The following TBCK variants were observed in gnomAD, a reference collection of about 807,000 sequenced individuals.
The protein encoded by TBCK is TBC1 domain containing kinase, also known as TBC domain-containing protein kinase-like protein.
TBCK carries 99 observed loss-of-function variants against 113.4 expected under a neutral mutation model. The ratio of observed to expected loss-of-function variants is 0.87; its 90% CI spans 0.74 to 1.03. TBCK has a LOEUF of 1.03. Ranked by LOEUF, TBCK falls within the 50% of genes least tolerant of loss-of-function variation. The pLI is 0.00. For synonymous variants in TBCK, 369 were observed against 370.8 expected (o/e 1.00, Z 0.05); for missense variants, 1,045 against 1,061.3 (o/e 0.98, Z 0.21).
intron 12 of TBCK, among the ~76,000 whole-genome samples, chr4:106,239,282 T>C (rs1759815595): frequency 6.6e-6 from 1 of 152,040 alleles, no homozygotes; most frequent in Admixed American, 6.6e-5. Flanking sequence ...CTGAGAAGCC[T>C]TGTGAAGGTC....
At chr4:106,308,652 A>C (rs1767805452) in intron 2 of TBCK, 116 bp downstream of exon 2, 5 of 902,460 alleles carry the variant, frequency 5.5e-6, no homozygotes, top group African/African-American at 5.1e-5. Flanking sequence ...TGAGAGAAAG[A>C]AGGACATGTG....
intron 25 of TBCK, among the ~76,000 whole-genome samples, chr4:106,047,322 C>T (rs972442654): frequency 6.6e-5 from 10 of 152,180 alleles, no homozygotes; most frequent in Non-Finnish European, 4.4e-5. Context: ...CCAGGATCAT[C>T]GATTGCCTTT....
intron 22 of TBCK, among the ~76,000 whole-genome samples, chr4:106,189,471 T>G (rs1483536888): frequency 2.0e-5 from 3 of 151,762 alleles, no homozygotes; most frequent in Non-Finnish European, 4.4e-5. Context: ...GGCTTGACAA[T>G]ACAAAACTTT....
At chr4:106,168,764 T>C (rs1294066841) in intron 23 of TBCK, among the ~76,000 whole-genome samples, 1 of 151,918 alleles carries the variant, frequency 6.6e-6, no homozygotes, top group Admixed American at 6.6e-5. Context: ...AATACTTAGA[T>C]ATAAGTCTAA....
intron 23 of TBCK, among the ~76,000 whole-genome samples, chr4:106,132,761 T>C (rs1156894977): frequency 6.6e-6 from 1 of 152,202 alleles, no homozygotes; most frequent in Non-Finnish European, 1.5e-5. Flanking sequence ...ACCTCTTGTA[T>C]CATGTGACCT....
Position 106,244,675 on chromosome 4 carries a change from C to A in TBCK, c.1021G>T (p.Val341Phe). 1 of 1,612,484 alleles carries A rather than the reference C, an allele frequency of 6.2e-7. No homozygotes were observed. Among genetic ancestry groups the A allele is most frequent in the Non-Finnish European group, 8.5e-7 (1 of 1,179,232 alleles). The change falls in exon 11 of 26, where the codon GTC becomes TTC. Residue 341 changes from valine (V) to phenylalanine (F), a missense_variant. Val to Phe is a conservative substitution (Grantham distance 50). Transcript: ENST00000394708. ...LAGGDLEKEL[V>F]NKEIIRSKPP... is the part of the protein sequence containing the mutation. ...TTGGATCGAATGATTTCCTTGTTGA[C>A]AAGCTCTTTCTCCAAGTCACCTCCA...
rs567233214 is a variant in TBCK, at chr4:106,249,644, G to A, written c.659-662C>T. 8.3e-4 allele frequency among the ~76,000 whole-genome samples: 127 copies of A among 152,110 alleles called. 1 individual carries two copies. Among genetic ancestry groups the A allele is most frequent in the African/African-American group, 3.0e-3 (124 of 41,516 alleles). ...GGAAAATGTACTTACATTTATTTGG[G>A]AATTTAAAGTAAAAAGTTTAGGTTA... On this transcript the variant is annotated intron_variant, in intron 7 of 25. Transcript: ENST00000394708.
chr4:106,218,918 C>T (rs1330575350), intron 19 of TBCK, among the ~76,000 whole-genome samples: 1 of 151,580 alleles, frequency 6.6e-6, no homozygotes, highest in East Asian at 1.9e-4. Context: ...GACACATGCA[C>T]ACATATGTTT....
chr4:106,212,943 G>C (rs764030166), intron 19 of TBCK, 108 bp from the exon 20 acceptor site: 9 of 708,764 alleles, frequency 1.3e-5, no homozygotes, highest in Non-Finnish European at 2.1e-5. Context: ...ATTTCTCCAT[G>C]AGAATACTTT....
chr4:106,178,464 C>T (rs551644615), intron 22 of TBCK, among the ~76,000 whole-genome samples: 1 of 151,842 alleles, frequency 6.6e-6, no homozygotes, highest in African/African-American at 2.4e-5. Flanking sequence ...TCACATATGG[C>T]CTTTATTGTT....
At chr4:106,300,698 C>A (rs1396138449) in intron 2 of TBCK, among the ~76,000 whole-genome samples, 1 of 152,082 alleles carries the variant, frequency 6.6e-6, no homozygotes, top group African/African-American at 2.4e-5. Context: ...CTAGATGTTG[C>A]TGTGAAATTA....
intron 3 of TBCK, among the ~76,000 whole-genome samples, chr4:106,280,193 A>G (rs1029803651): frequency 3.9e-5 from 6 of 152,264 alleles, no homozygotes; most frequent in African/African-American, 1.4e-4. Context: ...AATGATGTTC[A>G]GCCCCTTTTC....
intron 20 of TBCK, among the ~76,000 whole-genome samples, chr4:106,203,283 C>CATATATATAT (rs10565641): frequency 1.4e-5 from 2 of 146,354 alleles, no homozygotes; most frequent in African/African-American, 5.0e-5. Flanking sequence ...TATATTTTCA[C>CATATATATAT]ATATATATAT....
At chr4:106,309,292 A>G (rs1200336240) in intron 1 of TBCK, among the ~76,000 whole-genome samples, 1 of 150,364 alleles carries the variant, frequency 6.7e-6, no homozygotes, top group Admixed American at 6.7e-5. Flanking sequence ...CATATTATTA[A>G]TAAGGCTCTT....
intron 23 of TBCK, among the ~76,000 whole-genome samples, chr4:106,129,382 C>T (rs1745606727): frequency 6.6e-6 from 1 of 152,148 alleles, no homozygotes; most frequent in African/African-American, 2.4e-5. Context: ...TATAAGTGAA[C>T]ATGCGGTGTT....
At chr4:106,192,797 G>GT (rs78066595) in intron 22 of TBCK, among the ~76,000 whole-genome samples, 21,441 of 151,812 alleles carry the variant, frequency 0.14, 1,699 homozygotes, top group South Asian at 0.25. Flanking sequence ...TTTTTATTTG[G>GT]TTTTCAGGCA....
At chr4:106,227,341 G>A (rs1758351291) in intron 19 of TBCK, among the ~76,000 whole-genome samples, 1 of 147,952 alleles carries the variant, frequency 6.8e-6, no homozygotes, top group Non-Finnish European at 1.5e-5. Flanking sequence ...ATACCTCAAG[G>A]TACATGATGC....
chr4:106,108,206 T>A (rs4521418), intron 24 of TBCK, among the ~76,000 whole-genome samples: 35,184 of 152,004 alleles, frequency 0.23, 4,142 homozygotes, highest in South Asian at 0.27. Context: ...ATTCCTACTG[T>A]GACTATTCCA....
At chr4:106,110,112 G>A (rs1742671583) in intron 24 of TBCK, among the ~76,000 whole-genome samples, 1 of 152,212 alleles carries the variant, frequency 6.6e-6, no homozygotes, top group South Asian at 2.1e-4. Flanking sequence ...ACCCACAAGT[G>A]TGTTGACTCA....
Sources: allele counts gnomAD v4.1 joint callset (sites outside exome capture counted in the v4.1 genomes callset), GRCh38; gene constraint gnomAD v4.1.1; transcripts MANE v1.5; gene names NCBI Gene and HGNC (gene_info 2026-07-23, HGNC 2026-07-21).